PLCG2: variants seen among roughly 807,000 people sequenced by gnomAD.
PLCG2 encodes phospholipase C gamma 2.
Under a neutral mutation model 175.6 loss-of-function variants are expected in PLCG2, and 69 were observed. The observed-to-expected ratio is 0.39, with a 90% CI of 0.32 to 0.48. The LOEUF (loss-of-function observed/expected upper bound fraction) is 0.48, where lower values mean the gene tolerates loss of function less well. Among genes scored for constraint, PLCG2 ranks in the 20% least tolerant of loss-of-function variants. The pLI is 0.91. For missense variants in PLCG2, 1,798 were observed against 1,650.9 expected (o/e 1.09, Z -1.54); for synonymous variants, 827 against 624.0 (o/e 1.33, Z -4.85).
At chr16:81,883,873 G>A (rs929783040) in intron 9 of PLCG2, among the ~76,000 whole-genome samples, 1 of 152,226 alleles carries the variant, frequency 6.6e-6, no homozygotes, top group African/African-American at 2.4e-5. Context: ...CTCAAGGGGG[G>A]GTTGTGTTGC....
At chr16:81,931,785 C>G (rs1910513157) in intron 25 of PLCG2, 131 bp downstream of exon 25, 3 of 735,432 alleles carry the variant, frequency 4.1e-6, no homozygotes, top group Admixed American at 2.4e-5. Flanking sequence ...AGGAAGGAGA[C>G]CAGGTGGATT....
chr16:81,947,811 A>G (rs1911208529), intron 31 of PLCG2, among the ~76,000 whole-genome samples: 1 of 152,172 alleles, frequency 6.6e-6, no homozygotes, highest in African/African-American at 2.4e-5. Flanking sequence ...TACCTACTGT[A>G]TTTTATTTAA....
chr16:81,897,077 C>G (rs1404299889), intron 13 of PLCG2, among the ~76,000 whole-genome samples: 1 of 152,206 alleles, frequency 6.6e-6, no homozygotes, highest in Non-Finnish European at 1.5e-5. Context: ...CAGCCATGGG[C>G]AAGAGGTAAA....
intron 2 of PLCG2, among the ~76,000 whole-genome samples, chr16:81,810,636 A>T: frequency 1.5e-5 from 1 of 67,750 alleles, no homozygotes; most frequent in Non-Finnish European, 3.0e-5. Flanking sequence ...ATTTTCTGCA[A>T]TTTCTTTCTT....
intron 16 of PLCG2, among the ~76,000 whole-genome samples, chr16:81,908,126 A>C (rs924189639): frequency 6.6e-6 from 1 of 152,178 alleles, no homozygotes; most frequent in Non-Finnish European, 1.5e-5. Context: ...CCAGGGCCTC[A>C]TGGCTCTCAG....
chr16:81,792,850 G>C (rs898134133), intron 2 of PLCG2, among the ~76,000 whole-genome samples: 2 of 152,132 alleles, frequency 1.3e-5, no homozygotes, highest in Admixed American at 1.3e-4. Context: ...GATTTGGGTG[G>C]GGAGAGAGCC....
chr16:81,869,078 A>G (rs536491329), intron 5 of PLCG2, 136 bp from the exon 6 acceptor site: 30 of 689,436 alleles, frequency 4.4e-5, no homozygotes, highest in East Asian at 4.0e-4. Flanking sequence ...TCTTGTTCCC[A>G]GTTAGTGGTC....
At chr16:81,807,330 C>T (rs970241580) in intron 2 of PLCG2, among the ~76,000 whole-genome samples, 3 of 152,120 alleles carry the variant, frequency 2.0e-5, no homozygotes, top group East Asian at 1.9e-4. Flanking sequence ...TGCATCTCTG[C>T]GAGGAGGGCA....
At chr16:81,812,125 C>A (rs1473423167) in intron 2 of PLCG2, among the ~76,000 whole-genome samples, 1 of 146,380 alleles carries the variant, frequency 6.8e-6, no homozygotes, top group Non-Finnish European at 1.5e-5. Flanking sequence ...TCTCAGCTCA[C>A]TGCAAGCTCC....
At chr16:81,865,887 C>T (rs1597362301) in intron 5 of PLCG2, among the ~76,000 whole-genome samples, 1 of 137,316 alleles carries the variant, frequency 7.3e-6, no homozygotes, top group Non-Finnish European at 1.6e-5. Flanking sequence ...AGGACGCTGG[C>T]CTCTCCCTTG....
At chr16:81,915,423 C>T (rs1016312797) in intron 19 of PLCG2, among the ~76,000 whole-genome samples, 5 of 152,226 alleles carry the variant, frequency 3.3e-5, no homozygotes, top group Admixed American at 6.5e-5. Flanking sequence ...GAAGGCATCT[C>T]TTGGGCAGTG....
intron 2 of PLCG2, among the ~76,000 whole-genome samples, chr16:81,841,082 G>C (rs1481468897): frequency 2.0e-5 from 3 of 152,182 alleles, no homozygotes; most frequent in Admixed American, 2.0e-4. Context: ...TCTTCACATG[G>C]AAGCAGGACA....
intron 1 of PLCG2, among the ~76,000 whole-genome samples, chr16:81,741,937 A>G (rs1909603308): frequency 6.6e-6 from 1 of 152,242 alleles, no homozygotes; most frequent in Non-Finnish European, 1.5e-5. Context: ...AGCCATAGTT[A>G]ACCATATTCA....
At chr16:81,882,903 C>A (rs1908157580) in intron 8 of PLCG2, among the ~76,000 whole-genome samples, 1 of 151,778 alleles carries the variant, frequency 6.6e-6, no homozygotes, top group Non-Finnish European at 1.5e-5. Context: ...CTCTTCCCCT[C>A]CCTTCCCACC....
At chr16:81,875,668 C>G (rs1459251280) in intron 7 of PLCG2, among the ~76,000 whole-genome samples, 1 of 152,190 alleles carries the variant, frequency 6.6e-6, no homozygotes. Flanking sequence ...TAATACCTGG[C>G]TACGTGACTG....
intron 7 of PLCG2, among the ~76,000 whole-genome samples, chr16:81,876,016 C>CTTTTTCTT (rs1907765307): frequency 8.7e-6 from 1 of 114,994 alleles, no homozygotes; most frequent in African/African-American, 3.2e-5. Flanking sequence ...CTTTTTCTTT[C>CTTTTTCTT]TTTTTTTTTT....
chr16:81,849,993 A>G (rs1412166903), intron 2 of PLCG2, among the ~76,000 whole-genome samples: 2 of 152,280 alleles, frequency 1.3e-5, no homozygotes, highest in Admixed American at 6.5e-5. Flanking sequence ...TATATCAGCC[A>G]TGTTGATTTC....
At chr16:81,937,094 A>G (rs1268611194) in intron 27 of PLCG2, among the ~76,000 whole-genome samples, 1 of 152,234 alleles carries the variant, frequency 6.6e-6, no homozygotes, top group East Asian at 1.9e-4. Context: ...CATTTTGATC[A>G]ACTTTGCCCT....
chr16:81,817,944 G>C (rs577565645), intron 2 of PLCG2, among the ~76,000 whole-genome samples: 2 of 152,352 alleles, frequency 1.3e-5, no homozygotes, highest in Non-Finnish European at 2.9e-5. Context: ...TTGGGGTTGA[G>C]AGCAAAGACC....
Sources: gnomAD v4.1 joint callset for allele counts (sites outside exome capture counted in the v4.1 genomes callset) on GRCh38, gnomAD v4.1.1 for gene constraint, MANE v1.5 for transcripts, NCBI Gene and HGNC (gene_info 2026-07-23, HGNC 2026-07-21) for gene names.